The following SH3PXD2B variants were observed in gnomAD, a reference collection of about 807,000 sequenced individuals.
The protein encoded by SH3PXD2B is SH3 and PX domains 2B.
A neutral mutation model predicts 73.1 loss-of-function variants in SH3PXD2B; 37 were observed. That is an observed-to-expected ratio of 0.51 (90% CI 0.39 to 0.67). SH3PXD2B has a LOEUF of 0.67. Among genes scored for constraint, SH3PXD2B ranks in the 30% least tolerant of loss-of-function variants. The probability of loss-of-function intolerance (pLI) is 0.00; values close to 1 mark genes in which losing one functional copy is unlikely to be tolerated. For missense variants in SH3PXD2B, 1,053 were observed against 1,197.8 expected (o/e 0.88, Z 1.78); for synonymous variants, 457 against 480.5 (o/e 0.95, Z 0.64).
At chr5:172,355,458 G>A (rs1459543253) in intron 8 of SH3PXD2B, among the ~76,000 whole-genome samples, 1 of 152,172 alleles carries the variant, frequency 6.6e-6, no homozygotes, top group Non-Finnish European at 1.5e-5. Flanking sequence ...GGTGCCACCC[G>A]GGTCCCAGAA....
chr5:172,441,494 C>G (rs1411554790), intron 1 of SH3PXD2B, among the ~76,000 whole-genome samples: 1 of 152,198 alleles, frequency 6.6e-6, no homozygotes, highest in African/African-American at 2.4e-5. Flanking sequence ...TCAAGAAACA[C>G]ACTTGGGCTG....
chr5:172,344,841 T>C (rs749996191), intron 12 of SH3PXD2B, among the ~76,000 whole-genome samples: 2 of 152,072 alleles, frequency 1.3e-5, no homozygotes, highest in Non-Finnish European at 2.9e-5. Context: ...GCCTCTCGAC[T>C]GTAGTACACA....
chr5:172,374,453 G>A (rs1454655507), intron 5 of SH3PXD2B, among the ~76,000 whole-genome samples: 9 of 152,106 alleles, frequency 5.9e-5, no homozygotes, highest in African/African-American at 9.7e-5. Context: ...AGGCTGAGGC[G>A]GGTGGATCAC....
intron 2 of SH3PXD2B, among the ~76,000 whole-genome samples, chr5:172,419,648 T>C (rs1199100537): frequency 1.3e-5 from 2 of 152,178 alleles, no homozygotes; most frequent in African/African-American, 4.8e-5. Flanking sequence ...AGCTGGTTCC[T>C]GGCCCCTGCG....
chr5:172,416,103 G>A lies in SH3PXD2B; in HGVS notation c.156+6313C>T, dbSNP rs190043945. 5.3e-3 allele frequency among the ~76,000 whole-genome samples: 809 copies of A among 152,274 alleles called. 7 individuals are homozygous for A. Among genetic ancestry groups the A allele is most frequent in the African/African-American group, 0.018 (753 of 41,548 alleles). ...AGCACTTTGGGAGGCCGAGGTGGGT[G>A]GGTGACTTGAGTCCAGGAGTTTGAG... On this transcript the variant is annotated intron_variant, in intron 2 of 12. Transcript: ENST00000311601.
chr5:172,374,658 G>A (rs1757784382), intron 5 of SH3PXD2B, among the ~76,000 whole-genome samples: 1 of 152,196 alleles, frequency 6.6e-6, no homozygotes, highest in Non-Finnish European at 1.5e-5. Flanking sequence ...TCTAGCCTGG[G>A]TGACAGAGCA....
At chr5:172,368,630 A>AACAT (rs1491172387) in intron 6 of SH3PXD2B, among the ~76,000 whole-genome samples, 1 of 11,554 alleles carries the variant, frequency 8.7e-5, no homozygotes, top group African/African-American at 6.8e-4. Flanking sequence ...ATATATATAT[A>AACAT]ATATATATGT....
In SH3PXD2B at chr5:172,439,287, AAAAACC is replaced by A. The variant is rs1561583550; in HGVS notation, c.75+14985_75+14990del. Among the ~76,000 whole-genome samples the A allele has an allele frequency of 7.8e-4, 48 of 61,856 alleles. 1 individual carries two copies. The highest frequency in any genetic ancestry group is 2.4e-3 in the African/African-American group (42 of 17,520). The allele number at this position is 61,856 out of a possible 152,430, so 40.6% of individuals were successfully genotyped here. ...AACAAAAACAAAAACAAAACAAAAA[AAAAACC>A]CCAAAAAAAAACCACAGGCATCGGC... On this transcript the variant is annotated intron_variant, in intron 1 of 12. Transcript: ENST00000311601.
chr5:172,385,558 G>A lies in SH3PXD2B; in HGVS notation c.310-3431C>T, dbSNP rs190026540. On this transcript the variant is annotated intron_variant, in intron 4 of 12. Transcript: ENST00000311601. Reference sequence around the variant, plus strand: ...GCTGGGGAGACCCTAAATAACACGAGGCAACAGCCCGGAGCTGGCCATGTG... The same window carrying A: ...GCTGGGGAGACCCTAAATAACACGAAGCAACAGCCCGGAGCTGGCCATGTG... Among the ~76,000 whole-genome samples, 65 of 152,326 alleles carry A rather than the reference G, an allele frequency of 4.3e-4. 1 individual carries two copies. In the East Asian group the frequency reaches 0.01, roughly 24 times the overall value.
intron 7 of SH3PXD2B, among the ~76,000 whole-genome samples, chr5:172,361,672 G>A (rs1026325239): frequency 6.6e-6 from 1 of 152,178 alleles, no homozygotes; most frequent in African/African-American, 2.4e-5. Flanking sequence ...AGTTGGTTTC[G>A]AATTCTGGCT....
chr5:172,406,677 A>G (rs10045883), intron 2 of SH3PXD2B, among the ~76,000 whole-genome samples: 9,363 of 152,246 alleles, frequency 0.061, 436 homozygotes, highest in African/African-American at 0.14. Context: ...CATGGACAGC[A>G]GGTCATCCTG....
In SH3PXD2B at chr5:172,336,476, G is replaced by T. The variant is rs1756693900; in HGVS notation, c.*1893C>A. On this transcript the variant is annotated 3_prime_UTR_variant, in exon 13 of 13. Coordinates refer to ENST00000311601, the MANE Select transcript of SH3PXD2B (RefSeq NM_001017995.3). ...AGGCCGACTGGACGAAGGCACTAAA[G>T]ATGCTACAGGTGATCAGAGGAAGCT... The T allele has an allele frequency of 6.1e-6, 6 of 985,882 alleles. No individual in the cohort carries two copies. In the South Asian group the frequency reaches 2.8e-4, roughly 46 times the overall value. The allele number at this position is 985,882 out of a possible 1,614,324, so 61.1% of individuals were successfully genotyped here. A position where few individuals can be genotyped will look rare whatever the true frequency, so the allele number is the denominator to read the frequency against.
At chr5:172,427,961 A>G (rs1759139162) in intron 1 of SH3PXD2B, among the ~76,000 whole-genome samples, 1 of 151,904 alleles carries the variant, frequency 6.6e-6, no homozygotes, top group Non-Finnish European at 1.5e-5. Flanking sequence ...TATTTTTAGT[A>G]GAGACGGGGT....
chr5:172,444,345 CCT>C (rs574283658), intron 1 of SH3PXD2B, among the ~76,000 whole-genome samples: 33 of 152,266 alleles, frequency 2.2e-4, no homozygotes, highest in African/African-American at 6.5e-4. Flanking sequence ...GAGCTTTCCC[CCT>C]GATTCTGACA....
At chr5:172,434,703 T>A (rs1759325308) in intron 1 of SH3PXD2B, among the ~76,000 whole-genome samples, 1 of 152,086 alleles carries the variant, frequency 6.6e-6, no homozygotes, top group African/African-American at 2.4e-5. Flanking sequence ...TGGCTGGCAT[T>A]AATTACAAGG....
chr5:172,346,062 G>C, intron 12 of SH3PXD2B, 74 bp downstream of exon 12: 1 of 1,608,678 alleles, frequency 6.2e-7, no homozygotes, highest in Non-Finnish European at 8.5e-7. Flanking sequence ...AGTAGGAGGT[G>C]ACAGGGGAGA....
rs1756799977 is a variant in SH3PXD2B at position 172,339,513 on chromosome 5, TTGA to T, written c.1589_1591del (p.Ile530del). ...CCGCTCCAGCAGCTCCCCCTCCGAC[TTGA>T]TGATGGATTCTTTCCGCGGAGGGAG... On this transcript the variant is annotated inframe_deletion, in exon 13 of 13. Coordinates refer to ENST00000311601, the MANE Select transcript of SH3PXD2B (RefSeq NM_001017995.3). The surrounding 1 kb of genome is among the most constrained non-coding windows in gnomAD (Gnocchi z 6.1). 1.2e-6 allele frequency: 2 copies of T among 1,614,058 alleles called. No homozygotes were observed. Among genetic ancestry groups the T allele is most frequent in the Non-Finnish European group, 1.7e-6 (2 of 1,179,972 alleles).
chr5:172,342,526 C>T (rs1256673240), intron 12 of SH3PXD2B, among the ~76,000 whole-genome samples: 1 of 152,102 alleles, frequency 6.6e-6, no homozygotes, highest in Non-Finnish European at 1.5e-5. Context: ...TTTGGGAGGC[C>T]AAGGCGGGCG....
rs759711428 is a variant in SH3PXD2B at position 172,338,469 on chromosome 5, C to T, written c.2636G>A (p.Arg879Gln). 12 of 1,614,068 alleles carry T rather than the reference C, an allele frequency of 7.4e-6. No individual in the cohort carries two copies. Among genetic ancestry groups the T allele is most frequent in the Admixed American group, 1.7e-5 (1 of 60,012 alleles). Residue 879 changes from arginine (R) to glutamine (Q), a missense_variant, in exon 13 of 13, where the codon CGG becomes CAG. Physicochemically the swap from Arg to Gln is conservative, Grantham distance 43. Around this residue, in one of 2 missense-constraint regions of SH3PXD2B, gnomAD observed 587 missense variants for 590.7 expected, o/e 0.99. Transcript: ENST00000311601. This position sits in a 1 kb window ranked among gnomAD's most constrained non-coding sequence, Gnocchi z 5.1. ...SFQEGTVFEV[R>Q]EKNSSGWWFC... is the part of the protein sequence containing the mutation. Reference sequence around the variant, plus strand: ...CCACCAGCCACTGCTGTTCTTCTCCCGGACTTCAAACACTGTCCCTTCCTG... The same window carrying T: ...CCACCAGCCACTGCTGTTCTTCTCCTGGACTTCAAACACTGTCCCTTCCTG...
Sources: gnomAD v4.1 joint callset for allele counts (sites outside exome capture counted in the v4.1 genomes callset) on GRCh38, gnomAD v4.1.1 for gene constraint, gnomAD v4.1.1 regional missense constraint, Gnocchi (gnomAD v3.1) non-coding constraint, MANE v1.5 for transcripts, NCBI Gene and HGNC (gene_info 2026-07-23, HGNC 2026-07-21) for gene names.